EWSR1: variants seen among roughly 807,000 people sequenced by gnomAD.
EWSR1 encodes RNA-binding protein EWS.
In EWSR1, 14 loss-of-function variants were observed where a neutral mutation model predicts 92.1. The observed-to-expected ratio is 0.15, with a 90% CI of 0.10 to 0.24. EWSR1 has a LOEUF of 0.24. EWSR1 is among the 10% of genes least tolerant of loss of function. The pLI, the probability that EWSR1 is intolerant of heterozygous loss-of-function variation, is 1.00. For synonymous variants in EWSR1, 303 were observed against 292.9 expected, an observed-to-expected ratio of 1.03 and a Z score of -0.35; for missense variants, 637 against 870.9, an observed-to-expected ratio of 0.73 and a Z score of 3.38.
chr22:29,272,405 A>C lies in EWSR1; in HGVS notation c.76A>C (p.Thr26Pro). 1.2e-6 allele frequency: 2 copies of C among 1,613,174 alleles called. No individual in the cohort carries two copies. Among genetic ancestry groups the C allele is most frequent in the South Asian group, 1.1e-5 (1 of 91,040 alleles). Residue 26 changes from threonine (T) to proline (P), a missense_variant, in exon 3 of 17, where the codon ACT becomes CCT. By Grantham distance (38) the Thr-to-Pro change is conservative. This residue lies in a region of EWSR1 where 144 missense variants were observed against 189.0 expected (regional missense o/e 0.76). Coordinates refer to ENST00000397938, the MANE Select transcript of EWSR1 (RefSeq NM_005243.4). ...CTACAGTGCTTACACCGCCCAGCCCACTCAAGGATATGCACAGACCACCCA... is the reference window on the plus strand; with the variant it reads ...CTACAGTGCTTACACCGCCCAGCCCCCTCAAGGATATGCACAGACCACCCA... ...QGYSAYTAQP[T>P]QGYAQTTQAY...
intron 4 of EWSR1, chr22:29,276,311 A>G (rs1173300610): frequency 4.4e-6 from 1 of 229,456 alleles, no homozygotes; most frequent in Admixed American, 5.7e-5. Context: ...ACAACATGCC[A>G]ACTCAAAAAC....
At chr22:29,289,822 TAAGA>T (rs1307933689) in intron 8 of EWSR1, 1 of 231,538 alleles carries the variant, frequency 4.3e-6, no homozygotes, top group East Asian at 6.2e-5. Context: ...TGCATAACTT[TAAGA>T]AAGTCTTTAG....
rs1335314424 is a variant in EWSR1 at position 29,282,564 on chromosome 22, C to T, written c.581+7C>T. On this transcript the variant is annotated splice_region_variant and intron_variant, in intron 6 of 16. Coordinates refer to ENST00000397938, the MANE Select transcript of EWSR1 (RefSeq NM_005243.4). Reference sequence around the variant, plus strand: ...CATCCTACCCTCCTACCAGGTCAGTCTACTTTTTGTGGCAAAACAAAAACA... The same window carrying T: ...CATCCTACCCTCCTACCAGGTCAGTTTACTTTTTGTGGCAAAACAAAAACA... The T allele has an allele frequency of 1.3e-5, 20 of 1,498,400 alleles. No homozygotes were observed. Among genetic ancestry groups the T allele is most frequent in the Non-Finnish European group, 1.7e-5 (19 of 1,128,478 alleles). The allele number at this position is 1,498,400 out of a possible 1,614,324, so 92.8% of individuals were successfully genotyped here. A position where few individuals can be genotyped will look rare whatever the true frequency, so the allele number is the denominator to read the frequency against.
At chr22:29,268,560 C>G (rs904425185) in intron 1 of EWSR1, among the ~76,000 whole-genome samples, 1 of 152,118 alleles carries the variant, frequency 6.6e-6, no homozygotes, top group Non-Finnish European at 1.5e-5. Flanking sequence ...GCCCGTGGCG[C>G]GCGGGGGGCT....
intron 11 of EWSR1, among the ~76,000 whole-genome samples, chr22:29,293,300 A>G (rs1427064487): frequency 6.6e-6 from 1 of 152,154 alleles, no homozygotes; most frequent in Admixed American, 6.5e-5. Context: ...ATGAGCCACT[A>G]CACCCAACCT....
chr22:29,275,395 CTG>C (rs1555900509), intron 4 of EWSR1, among the ~76,000 whole-genome samples: 1 of 152,126 alleles, frequency 6.6e-6, no homozygotes, highest in Non-Finnish European at 1.5e-5. Flanking sequence ...CCCATCATGA[CTG>C]TGGGCCTAAA....
Position 29,291,818 on chromosome 22 carries a change from T to C in EWSR1, c.1012+219T>C, listed in dbSNP as rs1336506451. 1.9e-5 allele frequency: 11 copies of C among 586,342 alleles called. 1 individual carries two copies. In the East Asian group the frequency reaches 2.0e-4, roughly 11 times the overall value. The allele number at this position is 586,342 out of a possible 1,614,324, so 36.3% of individuals were successfully genotyped here. On this transcript the variant is annotated intron_variant, in intron 9 of 16. Coordinates refer to ENST00000397938, the MANE Select transcript of EWSR1 (RefSeq NM_005243.4). ...GTATTGAGTAACTGCTTCTGTAATA[T>C]GGGGGAGAATAAATTTTTAAATTTG...
At chr22:29,270,000 G>C (rs994671610) in intron 1 of EWSR1, among the ~76,000 whole-genome samples, 2 of 152,214 alleles carry the variant, frequency 1.3e-5, no homozygotes, top group African/African-American at 4.8e-5. Flanking sequence ...AGTCACATAA[G>C]TAATCTGGTC....
intron 5 of EWSR1, among the ~76,000 whole-genome samples, chr22:29,280,108 A>G (rs1210118460): frequency 1.3e-5 from 2 of 151,914 alleles, no homozygotes; most frequent in Non-Finnish European, 2.9e-5. Flanking sequence ...TTTGAGATGG[A>G]GTGTTGCTCT....
At chr22:29,288,027 G>T (rs751784212) in intron 7 of EWSR1, among the ~76,000 whole-genome samples, 2 of 152,062 alleles carry the variant, frequency 1.3e-5, no homozygotes, top group Non-Finnish European at 2.9e-5. Flanking sequence ...GATAAATAAA[G>T]ATTCTTTAAG....
intron 6 of EWSR1, 38 bp from the exon 7 acceptor site, chr22:29,286,885 A>T (rs748009629): frequency 6.5e-7 from 1 of 1,548,024 alleles, no homozygotes; most frequent in Non-Finnish European, 8.9e-7. Context: ...GCCTCTTTCT[A>T]AAAAAGCTTT....
rs2061259672 is a variant in EWSR1, at chr22:29,300,416, C to CTCAGTA, written c.*259_*264dup. The CTCAGTA allele has an allele frequency of 1.2e-5, 5 of 413,316 alleles. No individual in the cohort carries two copies. The highest frequency in any genetic ancestry group is 2.2e-5 in the Non-Finnish European group (5 of 231,122). 25.6% of individuals were successfully genotyped at this position (413,316 alleles called of 1,614,324 possible). A position where few individuals can be genotyped will look rare whatever the true frequency, so the allele number is the denominator to read the frequency against. ...ACAATGGGAACCCCTTGTGAGCATG[C>CTCAGTA]TCAGTATCATTGTGGAGAACCAAGA... On this transcript the variant is annotated 3_prime_UTR_variant, in exon 17 of 17. Transcript: ENST00000397938.
intron 4 of EWSR1, chr22:29,277,419 A>T (rs1426937790): frequency 4.5e-6 from 1 of 222,814 alleles, no homozygotes. Flanking sequence ...GTGTTAAGCA[A>T]CTATAATTTA....
intron 8 of EWSR1, chr22:29,290,489 G>GA (rs1569100931): frequency 1.2e-6 from 2 of 1,613,354 alleles, no homozygotes; most frequent in East Asian, 2.2e-5. Context: ...GCAGCATAAT[G>GA]AAAAGTGGGA....
intron 9 of EWSR1, 30 bp downstream of exon 9, chr22:29,291,629 G>GT: frequency 1.3e-6 from 2 of 1,587,240 alleles, no homozygotes; most frequent in Non-Finnish European, 1.7e-6. Flanking sequence ...CATAGATAGT[G>GT]TTTAAAAAAA....
At chr22:29,277,079 G>A (rs915067703) in intron 4 of EWSR1, 7 of 229,692 alleles carry the variant, frequency 3.0e-5, no homozygotes, top group Non-Finnish European at 6.0e-5. Flanking sequence ...AAGTCCCGAA[G>A]GGAAAGGCAT....
intron 4 of EWSR1, chr22:29,275,704 A>T (rs1327901323): frequency 4.4e-6 from 1 of 229,350 alleles, no homozygotes; most frequent in African/African-American, 2.2e-5. Flanking sequence ...CATTGGAGGG[A>T]ATACATAGAA....
At chr22:29,296,853 G>A (rs2060900692) in intron 12 of EWSR1, among the ~76,000 whole-genome samples, 1 of 151,990 alleles carries the variant, frequency 6.6e-6, no homozygotes, top group Non-Finnish European at 1.5e-5. Flanking sequence ...CCAGCCTGGG[G>A]AACATGGCAA....
At chr22:29,299,053 A>G (rs989521688) in intron 14 of EWSR1, 158 bp downstream of exon 14, 2 of 1,365,998 alleles carry the variant, frequency 1.5e-6, no homozygotes, top group African/African-American at 2.9e-5. Flanking sequence ...GACGCTTCAG[A>G]GCCTTCTGAA....
Sources: allele counts gnomAD v4.1 joint callset (sites outside exome capture counted in the v4.1 genomes callset), GRCh38; gene constraint gnomAD v4.1.1; regional missense constraint gnomAD v4.1.1; transcripts MANE v1.5; gene names NCBI Gene and HGNC (gene_info 2026-07-23, HGNC 2026-07-21).